ST18: variants seen among roughly 807,000 people sequenced by gnomAD.
ST18 encodes ST18 C2H2C-type zinc finger transcription factor.
A neutral mutation model predicts 110.0 loss-of-function variants in ST18; 50 were observed. The ratio of observed to expected loss-of-function variants is 0.45; its 90% CI spans 0.36 to 0.58. ST18 has a LOEUF of 0.58. Ranked by LOEUF, ST18 falls within the 20% of genes least tolerant of loss-of-function variation. The probability of loss-of-function intolerance (pLI) is 0.00; values close to 1 mark genes in which losing one functional copy is unlikely to be tolerated. For synonymous variants in ST18, 461 were observed against 452.4 expected (o/e 1.02, Z -0.24); for missense variants, 1,306 against 1,280.1 (o/e 1.02, Z -0.31).
chr8:52,269,511 G>A (rs930246447), intron 2 of ST18, among the ~76,000 whole-genome samples: 2 of 152,142 alleles, frequency 1.3e-5, no homozygotes, highest in African/African-American at 4.8e-5. Context: ...CCAAGCAGCT[G>A]GGCTAGGTGT....
intron 2 of ST18, among the ~76,000 whole-genome samples, chr8:52,256,040 C>T (rs934596892): frequency 1.3e-5 from 2 of 152,308 alleles, no homozygotes; most frequent in Non-Finnish European, 2.9e-5. Context: ...GGAGAGGGAG[C>T]GGAGCCTCCT....
chr8:52,224,302 T>C (rs1257486646), intron 3 of ST18, among the ~76,000 whole-genome samples: 1 of 152,238 alleles, frequency 6.6e-6, no homozygotes, highest in African/African-American at 2.4e-5. Flanking sequence ...AGCTGTAGAA[T>C]TGGTATTTTC....
intron 2 of ST18, among the ~76,000 whole-genome samples, chr8:52,366,960 T>C (rs1308034735): frequency 1.3e-5 from 2 of 152,142 alleles, no homozygotes; most frequent in Non-Finnish European, 2.9e-5. Flanking sequence ...AGGCCTGGCA[T>C]AGTGGCTCAC....
chr8:52,309,350 G>A (rs954094009), intron 2 of ST18, among the ~76,000 whole-genome samples: 6 of 152,076 alleles, frequency 3.9e-5, no homozygotes, highest in South Asian at 2.1e-4. Flanking sequence ...GTGAAACCAC[G>A]TCTCTACTAA....
chr8:52,238,445 A>G (rs2092985853), intron 2 of ST18, among the ~76,000 whole-genome samples: 1 of 152,208 alleles, frequency 6.6e-6, no homozygotes, highest in South Asian at 2.1e-4. Context: ...TTCTCAAAGA[A>G]CTAAAAACAG....
At position 52,201,925 on chromosome 8, in the gene ST18, C is replaced by T. The variant is rs376771159; in HGVS notation, c.86+10154G>A. ...GGGCATCTCCCTTGTATGTCTGATA[C>T]TTTGATAAAATATACTTATAAAGGA... On this transcript the variant is annotated intron_variant, in intron 8 of 25. Coordinates refer to ENST00000689386, the MANE Select transcript of ST18 (RefSeq NM_001352837.2). Among the ~76,000 whole-genome samples the T allele has an allele frequency of 7.9e-5, 12 of 152,284 alleles. No homozygotes were observed. In the South Asian group the frequency reaches 2.5e-3, roughly 32 times the overall value.
At chr8:52,274,377 A>G (rs1328426070) in intron 2 of ST18, among the ~76,000 whole-genome samples, 1 of 152,172 alleles carries the variant, frequency 6.6e-6, no homozygotes, top group South Asian at 2.1e-4. Flanking sequence ...TATATGTTAA[A>G]TACTAGAAAT....
At chr8:52,119,438 A>T (rs1225269709) in intron 23 of ST18, among the ~76,000 whole-genome samples, 1 of 152,180 alleles carries the variant, frequency 6.6e-6, no homozygotes, top group Non-Finnish European at 1.5e-5. Flanking sequence ...GAGACTTCAT[A>T]GGAGCAATTT....
intron 16 of ST18, among the ~76,000 whole-genome samples, chr8:52,144,709 G>C (rs771732384): frequency 6.6e-6 from 1 of 152,066 alleles, no homozygotes; most frequent in African/African-American, 2.4e-5. Flanking sequence ...AAAAAGACAG[G>C]ATTTTAAAAT....
intron 2 of ST18, among the ~76,000 whole-genome samples, chr8:52,379,490 T>G (rs1012089131): frequency 7.2e-5 from 11 of 152,156 alleles, no homozygotes; most frequent in Non-Finnish European, 4.4e-5. Flanking sequence ...CAACACAGTT[T>G]GAACTCCAAA....
At chr8:52,123,955 C>T (rs1042376349) in intron 23 of ST18, among the ~76,000 whole-genome samples, 1 of 152,158 alleles carries the variant, frequency 6.6e-6, no homozygotes, top group African/African-American at 2.4e-5. Context: ...ATATTTTCTT[C>T]ATGCACTGGG....
intron 23 of ST18, 103 bp from the exon 24 acceptor site, chr8:52,118,544 T>TTCA: frequency 1.6e-6 from 1 of 637,156 alleles, no homozygotes; most frequent in Non-Finnish European, 2.6e-6. Flanking sequence ...GACTTTCATT[T>TTCA]AGTGTTTTTA....
In ST18 at chr8:52,126,657, A is replaced by T. The variant is rs376152361; in HGVS notation, c.2667-517T>A. 2.6e-5 allele frequency among the ~76,000 whole-genome samples: 4 copies of T among 152,210 alleles called. No individual in the cohort carries two copies. In the East Asian group the frequency reaches 5.8e-4, roughly 22 times the overall value. On this transcript the variant is annotated intron_variant, in intron 22 of 25. Coordinates refer to ENST00000689386, the MANE Select transcript of ST18 (RefSeq NM_001352837.2). ...TACCCCACGCCCCCATGGCAAATTC[A>T]GTTTGGTTATGGGAATGTTTTTAAT...
intron 2 of ST18, among the ~76,000 whole-genome samples, chr8:52,392,512 T>C (rs2140992085): frequency 6.6e-6 from 1 of 152,336 alleles, no homozygotes; most frequent in East Asian, 1.9e-4. Flanking sequence ...ATTATACCCA[T>C]GTGGAATTAA....
At position 52,158,926 on chromosome 8, in the gene ST18, G is replaced by C. The variant is rs1447422359; in HGVS notation, c.1778C>G (p.Ser593Cys). Residue 593 changes from serine (S) to cysteine (C), a missense_variant, in exon 15 of 26, where the codon TCC (serine) becomes TGC (cysteine). Physicochemically the swap from Ser to Cys is moderately radical, Grantham distance 112. Transcript: ENST00000689386. ...GGCATGCAGACTCTGTGGCTTGTTG[G>C]AGAGGATGTCTGTGGCTTCCCTGCA... ...TRCREATDIL[S>C]NKPQSLHAKG... 1 of 1,614,032 alleles carries C rather than the reference G, an allele frequency of 6.2e-7. No homozygotes were observed. Among genetic ancestry groups the C allele is most frequent in the South Asian group, 1.1e-5 (1 of 91,058 alleles).
chr8:52,145,140 A>G (rs1411308915), intron 16 of ST18, among the ~76,000 whole-genome samples: 1 of 151,952 alleles, frequency 6.6e-6, no homozygotes, highest in Non-Finnish European at 1.5e-5. Flanking sequence ...AAGTCTCTCT[A>G]AGAAGACATG....
intron 13 of ST18, among the ~76,000 whole-genome samples, chr8:52,162,127 C>G (rs968006518): frequency 2.0e-5 from 3 of 152,168 alleles, no homozygotes; most frequent in African/African-American, 7.2e-5. Flanking sequence ...AGGAGAATCA[C>G]TTGAACCTAA....
At chr8:52,394,578 T>G (rs1478166341) in intron 2 of ST18, among the ~76,000 whole-genome samples, 6 of 152,182 alleles carry the variant, frequency 3.9e-5, no homozygotes, top group Non-Finnish European at 7.4e-5. Context: ...TCCTAGTAAT[T>G]CCTATGCTCT....
rs1358296052 is a variant in ST18, at chr8:52,199,727, G to A, written c.86+12352C>T. On this transcript the variant is annotated intron_variant, in intron 8 of 25. Coordinates refer to ENST00000689386, the MANE Select transcript of ST18 (RefSeq NM_001352837.2). Reference sequence around the variant, plus strand: ...AGAACTATGCTTCATATGTACTCAAGGAGCAATCTCTAGTCCTATATATCC... The same window carrying A: ...AGAACTATGCTTCATATGTACTCAAAGAGCAATCTCTAGTCCTATATATCC... 5.3e-5 allele frequency: 8 copies of A among 152,150 alleles called. No individual in the cohort carries two copies. The South Asian group carries it at 1.7e-3, about 32-fold the overall frequency. 9.4% of individuals were successfully genotyped at this position (152,150 alleles called of 1,614,324 possible).
Sources: gnomAD v4.1 joint callset for allele counts (sites outside exome capture counted in the v4.1 genomes callset) on GRCh38, gnomAD v4.1.1 for gene constraint, MANE v1.5 for transcripts, NCBI Gene and HGNC (gene_info 2026-07-23, HGNC 2026-07-21) for gene names.